Variants in COPS3 observed in about 807,000 individuals in gnomAD.
COPS3 encodes the protein COP9 signalosome complex subunit 3.
COPS3 carries 10 observed loss-of-function variants against 58.2 expected under a neutral mutation model. That is an observed-to-expected ratio of 0.17 (90% CI 0.11 to 0.29). The LOEUF is 0.29. COPS3 is among the 10% of genes least tolerant of loss of function. The pLI is 1.00. For synonymous variants in COPS3, 187 were observed against 181.7 expected (o/e 1.03, Z -0.24); for missense variants, 333 against 510.1 (o/e 0.65, Z 3.34).
chr17:17,260,437 T>C lies in COPS3; in HGVS notation c.800A>G (p.Tyr267Cys). 1 of 1,614,172 alleles carries C rather than the reference T, an allele frequency of 6.2e-7. No homozygotes were observed. The highest frequency in any genetic ancestry group is 8.5e-7 in the Non-Finnish European group (1 of 1,180,024). The part of the protein sequence containing the change: ...SNAYHELAQV[Y>C]STNNPSELRN... ...GAGTTCTGAGGGGTTGTTGGTTGAA[T>C]ACACTTGTGCTAACTCGTGGTATGC... Residue 267 changes from tyrosine to cysteine, a missense_variant, in exon 8 of 12, where the codon TAT (tyrosine) becomes TGT (cysteine). Transcript: ENST00000268717.
At chr17:17,268,563 G>C (rs1431064910) in intron 4 of COPS3, among the ~76,000 whole-genome samples, 7 of 152,168 alleles carry the variant, frequency 4.6e-5, no homozygotes. Context: ...GCTCACACCT[G>C]TAATCCCAGC....
intron 2 of COPS3, among the ~76,000 whole-genome samples, chr17:17,272,085 C>T (rs1009914711): frequency 4.6e-5 from 7 of 151,692 alleles, no homozygotes; most frequent in Non-Finnish European, 7.4e-5. Flanking sequence ...GTCAGGAGTT[C>T]GAGACCAGCC....
Position 17,262,050 on chromosome 17 carries a change from C to T in COPS3, c.678G>A (p.Lys226=). The T allele has an allele frequency of 6.2e-7, 1 of 1,611,266 alleles. No individual in the cohort carries two copies. The change falls in exon 7 of 12, where the codon AAG becomes AAA. Residue 226 remains lysine (K), a synonymous_variant. Transcript: ENST00000268717. ...GTAATATCAAAGACACTAAAATATA[C>T]TTTTTATATGATTCCAACATGATAT... ...VSHIMLESYK[K]YILVSLILLG... is the part of the protein sequence containing the mutation.
At chr17:17,250,251 C>T (rs998674019) in intron 9 of COPS3, among the ~76,000 whole-genome samples, 15 of 139,472 alleles carry the variant, frequency 1.1e-4, no homozygotes, top group Non-Finnish European at 1.8e-4. Flanking sequence ...TAACTTACAT[C>T]GCCTTTTTTT....
intron 8 of COPS3, among the ~76,000 whole-genome samples, chr17:17,258,193 C>T (rs1418231542): frequency 1.3e-5 from 2 of 152,180 alleles, no homozygotes; most frequent in African/African-American, 4.8e-5. Context: ...TACCACAATC[C>T]ACCACTTCGT....
chr17:17,260,431 G>C lies in COPS3; in HGVS notation c.806C>G (p.Thr269Ser). The change falls in exon 8 of 12, where the codon ACC becomes AGC. Residue 269 changes from threonine (T) to serine (S), a missense_variant. By Grantham distance (58) the Thr-to-Ser change is moderately conservative. Transcript: ENST00000268717. Reference protein sequence around the residue: ...AYHELAQVYSTNNPSELRNLV... With the variant: ...AYHELAQVYSSNNPSELRNLV... ...GTTTCGGAGTTCTGAGGGGTTGTTG[G>C]TTGAATACACTTGTGCTAACTCGTG... 6.2e-7 allele frequency: 1 copy of C among 1,614,154 alleles called. No homozygotes were observed. Among genetic ancestry groups the C allele is most frequent in the Non-Finnish European group, 8.5e-7 (1 of 1,180,020 alleles).
Position 17,262,322 on chromosome 17 carries a change from G to T in COPS3, c.622-216C>A, listed in dbSNP as rs577738715. 3.1e-3 allele frequency among the ~76,000 whole-genome samples: 477 copies of T among 152,268 alleles called. 2 individuals carry two copies. The highest frequency in any genetic ancestry group is 6.7e-3 in the Admixed American group (103 of 15,286). ...GTCATCTAGGCTGGAGCGCAGTGAT[G>T]TAATTATGGCTCACTGTACCCTCAA... On this transcript the variant is annotated intron_variant, in intron 6 of 11. Transcript: ENST00000268717.
intron 6 of COPS3, among the ~76,000 whole-genome samples, chr17:17,264,588 C>G (rs2048180061): frequency 6.6e-6 from 1 of 152,138 alleles, no homozygotes; most frequent in East Asian, 1.9e-4. Context: ...TAGATTAGAA[C>G]CCCCAGACAA....
At chr17:17,249,498 G>T (rs1268233395) in intron 9 of COPS3, among the ~76,000 whole-genome samples, 10 of 150,762 alleles carry the variant, frequency 6.6e-5, no homozygotes, top group African/African-American at 2.2e-4. Context: ...TAATTTTTTT[G>T]TTGTTTTTTT....
chr17:17,260,504 G>T (rs2048069530), intron 7 of COPS3, 30 bp from the exon 8 acceptor site: 2 of 1,610,532 alleles, frequency 1.2e-6, no homozygotes, highest in African/African-American at 1.3e-5. Context: ...AAAAAATTCA[G>T]ATTAAAACTT....
At chr17:17,250,254 CTTTTT>C (rs113179216) in intron 9 of COPS3, among the ~76,000 whole-genome samples, 12 of 127,636 alleles carry the variant, frequency 9.4e-5, no homozygotes, top group South Asian at 2.5e-4. Flanking sequence ...CTTACATCGC[CTTTTT>C]TTTTTTTTTT....
intron 8 of COPS3, among the ~76,000 whole-genome samples, chr17:17,258,960 T>TC (rs1271878924): frequency 1.3e-5 from 2 of 152,020 alleles, no homozygotes; most frequent in African/African-American, 2.4e-5. Flanking sequence ...ATTGACCCTC[T>TC]CCTCACCTTC....
chr17:17,280,334 C>G (rs570338823), intron 1 of COPS3, among the ~76,000 whole-genome samples: 10 of 151,256 alleles, frequency 6.6e-5, no homozygotes, highest in Non-Finnish European at 1.5e-4. Context: ...ACCTCGAAGG[C>G]GAAGGTTGAG....
chr17:17,255,485 C>CAA (rs10529108), intron 8 of COPS3, among the ~76,000 whole-genome samples: 1 of 129,034 alleles, frequency 7.7e-6, no homozygotes, highest in African/African-American at 3.1e-5. Context: ...GACTCTATTT[C>CAA]AAAAAAAAAA....
rs908651570 is a variant in COPS3, at chr17:17,281,219, A to C, written c.-33T>G. ...CCCGGGCGGCCCGAGCGGCGAAGGC[A>C]GCACGCGCGGGAAAAGGCTGCCGCT... On this transcript the variant is annotated 5_prime_UTR_variant, in exon 1 of 12. Transcript: ENST00000268717. 5.0e-6 allele frequency: 8 copies of C among 1,598,956 alleles called. No homozygotes were observed. In the African/African-American group the frequency reaches 1.1e-4, roughly 21 times the overall value.
intron 8 of COPS3, among the ~76,000 whole-genome samples, chr17:17,257,365 GAAA>G (rs376052817): frequency 8.2e-6 from 1 of 122,072 alleles, no homozygotes. Flanking sequence ...CTCAGTCACA[GAAA>G]AAAAAAAAAA....
intron 9 of COPS3, among the ~76,000 whole-genome samples, chr17:17,251,702 C>A (rs2047847388): frequency 6.6e-6 from 1 of 152,120 alleles, no homozygotes; most frequent in Non-Finnish European, 1.5e-5. Context: ...CAATGCTGAG[C>A]CAAAAAACCA....
At chr17:17,262,708 C>T (rs982934394) in intron 6 of COPS3, among the ~76,000 whole-genome samples, 2 of 150,380 alleles carry the variant, frequency 1.3e-5, no homozygotes, top group Non-Finnish European at 1.5e-5. Flanking sequence ...CCAGCCTGGG[C>T]GACAAAGCGA....
rs912113493 is a variant in COPS3 at position 17,248,874 on chromosome 17, A to C, written c.1137+52T>G. 4.3e-6 allele frequency: 5 copies of C among 1,169,038 alleles called. No homozygotes were observed. The African/African-American group carries it at 6.2e-5, about 15-fold the overall frequency. The allele number at this position is 1,169,038 out of a possible 1,614,324, so 72.4% of individuals were successfully genotyped here. A position where few individuals can be genotyped will look rare whatever the true frequency, so the allele number is the denominator to read the frequency against. ...TCCTGGAACATAGGAGCAATTTTCA[A>C]ATACATCTCAACCATCAATTAAAAA... On this transcript the variant is annotated intron_variant, in intron 10 of 11. Transcript: ENST00000268717.
Sources: allele counts gnomAD v4.1 joint callset (sites outside exome capture counted in the v4.1 genomes callset), GRCh38; gene constraint gnomAD v4.1.1; transcripts MANE v1.5; gene names NCBI Gene and HGNC (gene_info 2026-07-23, HGNC 2026-07-21).